COLEC10: variants seen among roughly 807,000 people sequenced by gnomAD.
COLEC10 encodes the protein collectin-10.
A neutral mutation model predicts 28.4 loss-of-function variants in COLEC10; 22 were observed. The observed-to-expected ratio is 0.78, with a 90% CI of 0.55 to 1.11. COLEC10 has a LOEUF of 1.11. Ranked by LOEUF, COLEC10 falls within the 50% of genes least tolerant of loss-of-function variation. The probability of loss-of-function intolerance (pLI) is 0.00; values close to 1 mark genes in which losing one functional copy is unlikely to be tolerated. For synonymous variants in COLEC10, 125 were observed against 116.1 expected (o/e 1.08, Z -0.49); for missense variants, 361 against 344.1 (o/e 1.05, Z -0.39).
At chr8:119,009,822 G>T (rs1403636982) in intron 2 of COLEC10, among the ~76,000 whole-genome samples, 2 of 142,762 alleles carry the variant, frequency 1.4e-5, no homozygotes, top group East Asian at 2.1e-4. Context: ...CAACTTACCC[G>T]CAATTGAAAG....
At chr8:118,988,530 G>T in the COLEC10 span, among the ~76,000 whole-genome samples, 273 of 152,220 alleles carry the variant, frequency 1.8e-3, no homozygotes, top group African/African-American at 6.1e-3. Context: ...AGGCAGCCAG[G>T]GAAAGGAGTA....
chr8:119,059,825 C>T (rs1814822924), intron 2 of COLEC10, among the ~76,000 whole-genome samples: 1 of 151,998 alleles, frequency 6.6e-6, no homozygotes. Flanking sequence ...CTAACATGAC[C>T]ACTACTCAAT....
the COLEC10 span, among the ~76,000 whole-genome samples, chr8:118,969,575 G>C: frequency 6.6e-6 from 1 of 151,910 alleles, no homozygotes. Context: ...GGAATGGAGA[G>C]TCCCCCATAA....
intron 2 of COLEC10, among the ~76,000 whole-genome samples, chr8:119,060,040 T>G (rs1814827157): frequency 6.6e-6 from 1 of 152,112 alleles, no homozygotes; most frequent in Non-Finnish European, 1.5e-5. Context: ...GAGCCTCATC[T>G]CAGCACACCT....
At chr8:119,067,116 C>G (rs1459405673), upstream of COLEC10, 11 of 616,772 alleles carry the variant, frequency 1.8e-5, no homozygotes, top group East Asian at 3.1e-4. Context: ...ATTTGGAGCA[C>G]TGAGAAAATA....
At chr8:118,972,162 A>G in the COLEC10 span, among the ~76,000 whole-genome samples, 1 of 151,930 alleles carries the variant, frequency 6.6e-6, no homozygotes, top group Non-Finnish European at 1.5e-5. Flanking sequence ...TGCCTTGAGT[A>G]AAAAAAGTTA....
chr8:119,047,138 G>A (rs1280012053), intron 2 of COLEC10, among the ~76,000 whole-genome samples: 2 of 152,104 alleles, frequency 1.3e-5, no homozygotes, highest in African/African-American at 2.4e-5. Flanking sequence ...ATGTTAAAGG[G>A]TACCATCTCA....
intron 2 of COLEC10, among the ~76,000 whole-genome samples, chr8:119,050,634 T>A (rs992359859): frequency 6.6e-6 from 1 of 152,310 alleles, no homozygotes; most frequent in Non-Finnish European, 1.5e-5. Flanking sequence ...AATGAATATA[T>A]CATTCTAAGT....
chr8:118,966,680 T>G, the COLEC10 span, among the ~76,000 whole-genome samples: 17 of 115,800 alleles, frequency 1.5e-4, no homozygotes, highest in African/African-American at 6.8e-4. Context: ...TGTTCCATGT[T>G]TTTTTTTTTT....
intron 2 of COLEC10, among the ~76,000 whole-genome samples, chr8:119,046,452 C>T (rs1483413045): frequency 2.6e-5 from 4 of 152,136 alleles, no homozygotes; most frequent in African/African-American, 9.7e-5. Context: ...TGCAGTAAGA[C>T]TATGATTAAT....
At chr8:119,086,171 A>AT (rs1815478082) in intron 1 of COLEC10, among the ~76,000 whole-genome samples, 1 of 152,188 alleles carries the variant, frequency 6.6e-6, no homozygotes. Context: ...ATGCGGTCAA[A>AT]TGTGTGCTGT....
At position 119,008,661 on chromosome 8, in the gene COLEC10, A is replaced by G. The variant is rs571221601; in HGVS notation, n.123-780A>G. 1.5e-4 allele frequency among the ~76,000 whole-genome samples: 22 copies of G among 150,504 alleles called. No individual in the cohort carries two copies. In the South Asian group the frequency reaches 4.6e-3, roughly 31 times the overall value. The stretch of plus-strand genomic sequence containing the variant: ...GTCCCTCATGGAATACATTAAAGCA[A>G]TCGTGTGTGATGACTAACACTCTGA... On this transcript the variant is annotated intron_variant and non_coding_transcript_variant, in intron 1 of 6. Transcript: ENST00000521788.
At chr8:119,093,508 T>A (rs1462600701) in intron 3 of COLEC10, among the ~76,000 whole-genome samples, 1 of 152,098 alleles carries the variant, frequency 6.6e-6, no homozygotes, top group African/African-American at 2.4e-5. Flanking sequence ...TCTGTGATGG[T>A]TTTACCATGA....
At chr8:119,101,602 TA>T (rs1815828092) in intron 3 of COLEC10, among the ~76,000 whole-genome samples, 1 of 152,194 alleles carries the variant, frequency 6.6e-6, no homozygotes, top group Non-Finnish European at 1.5e-5. Context: ...CAGTATAATA[TA>T]TTTGACATGA....
chr8:119,006,137 T>G (rs1184379604), intron 1 of COLEC10, among the ~76,000 whole-genome samples: 1 of 152,106 alleles, frequency 6.6e-6, no homozygotes, highest in Non-Finnish European at 1.5e-5. Context: ...TTACTGGGTA[T>G]TTATATTTCT....
At chr8:119,077,243 A>ATTTTTTTTTTTT (rs762180766) in intron 1 of COLEC10, among the ~76,000 whole-genome samples, 5 of 90,292 alleles carry the variant, frequency 5.5e-5, no homozygotes, top group Non-Finnish European at 8.6e-5. Context: ...GTAGAGAATG[A>ATTTTTTTTTTTT]TTTTTTTTTT....
At chr8:119,042,259 A>G (rs1270312180) in intron 2 of COLEC10, among the ~76,000 whole-genome samples, 2 of 152,002 alleles carry the variant, frequency 1.3e-5, no homozygotes, top group African/African-American at 2.4e-5. Context: ...CGGCCTCCCA[A>G]AGTGCTGGGA....
At chr8:118,972,077 C>T in the COLEC10 span, among the ~76,000 whole-genome samples, 7 of 152,044 alleles carry the variant, frequency 4.6e-5, 1 homozygote, top group African/African-American at 1.7e-4. Flanking sequence ...TATGTGGCTT[C>T]TTCCTAAACT....
Position 119,106,336 on chromosome 8 carries a change from C to T in COLEC10, c.*145C>T. Reference sequence around the variant, plus strand: ...AACTGAGGTATGGAGCCTCCATCATCATGCTCTTTTGTGATGATTTTCATA... The same window carrying T: ...AACTGAGGTATGGAGCCTCCATCATTATGCTCTTTTGTGATGATTTTCATA... On this transcript the variant is annotated 3_prime_UTR_variant, in exon 6 of 6. Coordinates refer to ENST00000332843, the MANE Select transcript of COLEC10 (RefSeq NM_006438.5). 1 of 760,244 alleles carries T rather than the reference C, an allele frequency of 1.3e-6. No individual in the cohort carries two copies. Among genetic ancestry groups the T allele is most frequent in the Non-Finnish European group, 2.1e-6 (1 of 477,030 alleles). The allele number at this position is 760,244 out of a possible 1,614,324, so 47.1% of individuals were successfully genotyped here.
Sources: gnomAD v4.1 joint callset for allele counts (sites outside exome capture counted in the v4.1 genomes callset) on GRCh38, gnomAD v4.1.1 for gene constraint, MANE v1.5 for transcripts, NCBI Gene and HGNC (gene_info 2026-07-23, HGNC 2026-07-21) for gene names.